Variants in HSD17B3 observed in about 807,000 individuals in gnomAD.
HSD17B3 encodes the protein 17-beta-hydroxysteroid dehydrogenase type 3.
In HSD17B3, 29 loss-of-function variants were observed where a neutral mutation model predicts 41.1. The ratio of observed to expected loss-of-function variants is 0.71; its 90% CI spans 0.53 to 0.96. The LOEUF (loss-of-function observed/expected upper bound fraction) is 0.96. HSD17B3 is among the 40% of genes least tolerant of loss of function. The probability of loss-of-function intolerance (pLI) is 0.00; values close to 1 mark genes in which losing one functional copy is unlikely to be tolerated. For synonymous variants in HSD17B3, 126 were observed against 145.6 expected (o/e 0.87, Z 0.97); for missense variants, 323 against 374.6 (o/e 0.86, Z 1.14).
intron 2 of HSD17B3, among the ~76,000 whole-genome samples, chr9:96,297,519 G>A (rs1238256): frequency 6.6e-6 from 1 of 151,746 alleles, no homozygotes; most frequent in Non-Finnish European, 1.5e-5. Context: ...GCTAATTTTT[G>A]TATTTTAAGT....
intron 5 of HSD17B3, 131 bp downstream of exon 5, chr9:96,251,287 C>T (rs1365070866): frequency 2.7e-6 from 2 of 734,816 alleles, no homozygotes; most frequent in South Asian, 1.5e-5. Flanking sequence ...AAGGGGGCCT[C>T]AATACATACA....
intron 2 of HSD17B3, among the ~76,000 whole-genome samples, chr9:96,281,845 G>A (rs531060338): frequency 1.4e-4 from 22 of 152,244 alleles, no homozygotes; most frequent in East Asian, 7.7e-4. Flanking sequence ...TGAGCGTCTC[G>A]CCTCCCCCAC....
At chr9:96,251,332 C>T (rs569659209) in intron 5 of HSD17B3, 86 bp downstream of exon 5, 54 of 1,118,886 alleles carry the variant, frequency 4.8e-5, no homozygotes, top group South Asian at 2.9e-4. Context: ...GCTTCCATCA[C>T]GCCTTCCCAG....
chr9:96,293,307 G>T (rs1485108440), intron 2 of HSD17B3, among the ~76,000 whole-genome samples: 2 of 152,112 alleles, frequency 1.3e-5, no homozygotes, highest in Non-Finnish European at 2.9e-5. Context: ...TAAGGAGGGT[G>T]GGCCTCGTCT....
In HSD17B3 at chr9:96,289,711, G is replaced by C. The variant is rs535173305; in HGVS notation, c.201+8705C>G. ...AAGTGGTCTGGGCCAAGAGGGGGGC[G>C]CCCGAGAACACTTGGTTGTCTGGGC... On this transcript the variant is annotated intron_variant, in intron 2 of 10. Transcript: ENST00000375263. 2.0e-5 allele frequency among the ~76,000 whole-genome samples: 3 copies of C among 152,232 alleles called. No individual in the cohort carries two copies. In the East Asian group the frequency reaches 5.8e-4, roughly 29 times the overall value.
At chr9:96,267,960 C>G (rs1224574922) in intron 2 of HSD17B3, among the ~76,000 whole-genome samples, 1 of 152,182 alleles carries the variant, frequency 6.6e-6, no homozygotes, top group East Asian at 1.9e-4. Context: ...GAGTCTCACT[C>G]TATCACCCAG....
At chr9:96,287,110 C>G (rs917648892) in intron 2 of HSD17B3, among the ~76,000 whole-genome samples, 1 of 152,172 alleles carries the variant, frequency 6.6e-6, no homozygotes, top group East Asian at 1.9e-4. Context: ...GACGTCCACC[C>G]AACAGGGGTG....
intron 1 of HSD17B3, among the ~76,000 whole-genome samples, chr9:96,300,248 A>G (rs1037967068): frequency 6.6e-6 from 1 of 150,744 alleles, no homozygotes; most frequent in African/African-American, 2.5e-5. Context: ...ACACACACAC[A>G]CACACGCACA....
Position 96,245,380 on chromosome 9 carries a change from G to A in HSD17B3, c.571C>T (p.Pro191Ser), listed in dbSNP as rs1277790058. 3 of 1,614,140 alleles carry A rather than the reference G, an allele frequency of 1.9e-6. No homozygotes were observed. Among genetic ancestry groups the A allele is most frequent in the Admixed American group, 3.3e-5 (2 of 60,032 alleles). ...GAGTACATGGAGTAGAGAGGCCAAG[G>A]AAACAGGGCTATCCCAGAAGAAATG... ...LNISSGIALF[P>S]WPLYSMYSAS... is the part of the protein sequence containing the mutation. Residue 191 changes from proline to serine, a missense_variant, in exon 8 of 11, where the codon CCT (proline) becomes TCT (serine). Pro to Ser is a moderately conservative substitution (Grantham distance 74). Coordinates refer to ENST00000375263, the MANE Select transcript of HSD17B3 (RefSeq NM_000197.2).
chr9:96,235,679 A>G (rs1251998869), intron 10 of HSD17B3, 109 bp from the exon 11 acceptor site: 1 of 866,514 alleles, frequency 1.2e-6, no homozygotes, highest in Non-Finnish European at 1.9e-6. Context: ...GTGGAGCCCC[A>G]GAACCTTTTA....
rs1475946703 is a variant in HSD17B3 at position 96,245,434 on chromosome 9, G to A, written c.525-8C>T. On this transcript the variant is annotated splice_region_variant and splice_polypyrimidine_tract_variant and intron_variant, in intron 7 of 10. Coordinates refer to ENST00000375263, the MANE Select transcript of HSD17B3 (RefSeq NM_000197.2). ...AGGATGAGACCTTTCTGCCTGAAAG[G>A]CAAAGAAGCAAAGTTCCCATGGCTT... 2 of 1,608,934 alleles carry A rather than the reference G, an allele frequency of 1.2e-6. No homozygotes were observed. Among genetic ancestry groups the A allele is most frequent in the Admixed American group, 3.3e-5 (2 of 60,014 alleles).
At chr9:96,287,194 T>A (rs1826956501) in intron 2 of HSD17B3, among the ~76,000 whole-genome samples, 1 of 152,116 alleles carries the variant, frequency 6.6e-6, no homozygotes, top group Admixed American at 6.5e-5. Context: ...TTACTCTCCC[T>A]CTTACCTGTT....
rs181592738 is a variant in HSD17B3 at position 96,244,597 on chromosome 9, A to C, written c.607-203T>G. On this transcript the variant is annotated intron_variant, in intron 8 of 10. Coordinates refer to ENST00000375263, the MANE Select transcript of HSD17B3 (RefSeq NM_000197.2). ...GATCTACTATACAGCATGGTGACAA[A>C]AGCTAACAATCATAGACAACATACC... Among the ~76,000 whole-genome samples the C allele has an allele frequency of 5.8e-3, 881 of 152,194 alleles. 10 individuals carry two copies. The highest frequency in any genetic ancestry group is 0.02 in the African/African-American group (848 of 41,524).
chr9:96,237,852 G>A (rs563928174), intron 10 of HSD17B3, among the ~76,000 whole-genome samples: 161 of 152,280 alleles, frequency 1.1e-3, no homozygotes, highest in African/African-American at 3.5e-3. Context: ...TATTCAGGCC[G>A]GGCACAGTGG....
chr9:96,244,416 C>T lies in HSD17B3; in HGVS notation c.607-22G>A, dbSNP rs570670792. 12 of 1,613,650 alleles carry T rather than the reference C, an allele frequency of 7.4e-6. No homozygotes were observed. The South Asian group carries it at 1.1e-4, about 15-fold the overall frequency. On this transcript the variant is annotated intron_variant, in intron 8 of 10. Transcript: ENST00000375263. ...ACGCCTGGAGCAAGAAGGAGAGACACCTGAGGCCCCAGAGTGAGCTCCCTC... is the reference window on the plus strand; with the variant it reads ...ACGCCTGGAGCAAGAAGGAGAGACATCTGAGGCCCCAGAGTGAGCTCCCTC...
chr9:96,244,240 A>T, intron 9 of HSD17B3, 89 bp downstream of exon 9: 1 of 1,298,842 alleles, frequency 7.7e-7, no homozygotes, highest in Non-Finnish European at 1.1e-6. Context: ...GGCCCCAGCC[A>T]CGGGAGGTCC....
intron 2 of HSD17B3, among the ~76,000 whole-genome samples, chr9:96,297,155 T>C (rs1488307694): frequency 6.6e-6 from 1 of 152,060 alleles, no homozygotes; most frequent in Non-Finnish European, 1.5e-5. Context: ...AGGTTTCAAA[T>C]ATCTTTCTCT....
intron 1 of HSD17B3, among the ~76,000 whole-genome samples, chr9:96,301,089 G>A (rs1015742851): frequency 1.3e-5 from 2 of 152,146 alleles, no homozygotes; most frequent in African/African-American, 4.8e-5. Context: ...CATCTAATGG[G>A]GTTGAGAGGA....
chr9:96,282,075 G>A (rs962240331), intron 2 of HSD17B3, among the ~76,000 whole-genome samples: 21 of 152,180 alleles, frequency 1.4e-4, no homozygotes, highest in Non-Finnish European at 2.6e-4. Context: ...ATGGGCATAG[G>A]ACACCTGTAA....
Sources: gnomAD v4.1 joint callset for allele counts (sites outside exome capture counted in the v4.1 genomes callset) on GRCh38, gnomAD v4.1.1 for gene constraint, MANE v1.5 for transcripts, NCBI Gene and HGNC (gene_info 2026-07-23, HGNC 2026-07-21) for gene names.